DNAJC13: variants seen among roughly 807,000 people sequenced by gnomAD.
DNAJC13 encodes the protein DnaJ heat shock protein family (Hsp40) member C13.
DNAJC13 carries 75 observed loss-of-function variants against 290.5 expected under a neutral mutation model. The ratio of observed to expected loss-of-function variants is 0.26; its 90% CI spans 0.21 to 0.31. The LOEUF is 0.31. DNAJC13 is among the 10% of genes least tolerant of loss of function. The pLI is 1.00. For synonymous variants in DNAJC13, 862 were observed against 892.0 expected, an observed-to-expected ratio of 0.97 and a Z score of 0.60; for missense variants, 2,260 against 2,674.5, an observed-to-expected ratio of 0.85 and a Z score of 3.42.
At chr3:132,483,269 A>T in intron 27 of DNAJC13, 106 bp from the exon 28 acceptor site, 1 of 1,041,256 alleles carries the variant, frequency 9.6e-7, no homozygotes, top group East Asian at 2.6e-5. Context: ...TAGTGTACTT[A>T]CATGTTTGTT....
intron 36 of DNAJC13, 36 bp downstream of exon 36, chr3:132,496,699 C>A: frequency 6.4e-7 from 1 of 1,568,634 alleles, no homozygotes; most frequent in Non-Finnish European, 8.6e-7. Flanking sequence ...ATTTATCCTC[C>A]AGCTAACCTT....
chr3:132,461,038 G>A lies in DNAJC13; in HGVS notation c.1558-12G>A. The A allele has an allele frequency of 6.2e-7, 1 of 1,612,192 alleles. No homozygotes were observed. The highest frequency in any genetic ancestry group is 8.5e-7 in the Non-Finnish European group (1 of 1,179,350). ...TCTTAAGTCTTTAAGAGAATCTGTT[G>A]CATTGTTTCAGGATCATGGGACTGG... On this transcript the variant is annotated splice_polypyrimidine_tract_variant and intron_variant, in intron 14 of 55. Transcript: ENST00000260818.
At chr3:132,418,216 CGTTTTGTTAG>C (rs1308756661) in intron 1 of DNAJC13, among the ~76,000 whole-genome samples, 4 of 152,246 alleles carry the variant, frequency 2.6e-5, no homozygotes, top group Middle Eastern at 3.4e-3. Flanking sequence ...TGCTTTGTTT[CGTTTTGTTAG>C]GAAATGAGCA....
intron 2 of DNAJC13, 35 bp downstream of exon 2, chr3:132,434,653 T>A (rs774011664): frequency 1.3e-6 from 2 of 1,526,670 alleles, no homozygotes; most frequent in South Asian, 2.4e-5. Flanking sequence ...TTTCTGTGCT[T>A]CTATAAAATA....
At chr3:132,537,748 G>A (rs964902630) in intron 55 of DNAJC13, among the ~76,000 whole-genome samples, 3 of 152,214 alleles carry the variant, frequency 2.0e-5, no homozygotes, top group East Asian at 1.9e-4. Flanking sequence ...ATGAAAATAG[G>A]TTAGTTTGAG....
In DNAJC13 at chr3:132,538,815, G is replaced by A. The variant is rs1444076796; in HGVS notation, c.*533G>A. 1 of 152,152 alleles carries A rather than the reference G, an allele frequency of 6.6e-6. No homozygotes were observed. Among genetic ancestry groups the A allele is most frequent in the Non-Finnish European group, 1.5e-5 (1 of 68,040 alleles). 9.4% of individuals were successfully genotyped at this position (152,152 alleles called of 1,614,324 possible). A position where few individuals can be genotyped will look rare whatever the true frequency, so the allele number is the denominator to read the frequency against. ...GAAAGCTCACAGTACACATTAGTAT[G>A]TATAACTGGCTTTACCAAATTGAAT... On this transcript the variant is annotated 3_prime_UTR_variant, in exon 56 of 56. Transcript: ENST00000260818.
rs1935387449 is a variant in DNAJC13 at position 132,500,885 on chromosome 3, A to T, written c.4508A>T (p.Asp1503Val). The change falls in exon 39 of 56, where the codon GAT (aspartate) becomes GTT (valine). Residue 1503 changes from aspartate to valine, a missense_variant. Physicochemically the swap from Asp to Val is radical, Grantham distance 152. This residue lies in a region of DNAJC13 where 1,494 missense variants were observed against 1,693.7 expected (regional missense o/e 0.88). Coordinates refer to ENST00000260818, the MANE Select transcript of DNAJC13 (RefSeq NM_015268.4). ...KITEMPSIIK[D>V]LCRVLYFGKS... ...ACGGAAATGCCTAGCATCATCAAGG[A>T]TCTCTGTCGGGTACTATATTTTGGC... is the stretch of plus-strand genomic sequence containing the variant. 1 of 1,613,970 alleles carries T rather than the reference A, an allele frequency of 6.2e-7. No homozygotes were observed.
At position 132,507,276 on chromosome 3, in the gene DNAJC13, A is replaced by G; in HGVS notation, c.5038A>G (p.Ser1680Gly). 1.2e-6 allele frequency: 2 copies of G among 1,613,510 alleles called. No homozygotes were observed. The highest frequency in any genetic ancestry group is 2.2e-5 in the East Asian group (1 of 44,828). The change falls in exon 43 of 56, where the codon AGT (serine) becomes GGT (glycine). Residue 1680 changes from serine (S) to glycine (G), a missense_variant. Coordinates refer to ENST00000260818, the MANE Select transcript of DNAJC13 (RefSeq NM_015268.4). ...AACTTATGGATCAGAATTTGTCTACAGTGATCATGCCAAAGAACTTATTGT... is the reference window on the plus strand; with the variant it reads ...AACTTATGGATCAGAATTTGTCTACGGTGATCATGCCAAAGAACTTATTGT... ...DKTYGSEFVY[S>G]DHAKELIVGE...
At chr3:132,478,169 T>C (rs1934536785) in intron 24 of DNAJC13, 29 bp downstream of exon 24, 1 of 1,565,444 alleles carries the variant, frequency 6.4e-7, no homozygotes, top group African/African-American at 1.4e-5. Context: ...GAAATTACTA[T>C]TTGATAGTGT....
chr3:132,507,890 T>A lies in DNAJC13; in HGVS notation c.5115+537T>A, dbSNP rs141618734. On this transcript the variant is annotated intron_variant, in intron 43 of 55. Transcript: ENST00000260818. ...CTCACTTTAAATTAAAAGCTAGAAATGATTAACCTTGATGAGGAAGGCTTG... is the reference window on the plus strand; with the variant it reads ...CTCACTTTAAATTAAAAGCTAGAAAAGATTAACCTTGATGAGGAAGGCTTG... Among the ~76,000 whole-genome samples, 15 of 152,264 alleles carry A rather than the reference T, an allele frequency of 9.9e-5. No individual in the cohort carries two copies. In the South Asian group the frequency reaches 2.7e-3, roughly 27 times the overall value.
intron 14 of DNAJC13, 76 bp downstream of exon 14, chr3:132,460,433 A>T: frequency 4.0e-6 from 4 of 997,616 alleles, no homozygotes; most frequent in African/African-American, 1.7e-5. Context: ...TGCCACGTGG[A>T]TGATTTTTTT....
At chr3:132,517,273 A>G (rs375042177) in intron 48 of DNAJC13, among the ~76,000 whole-genome samples, 41 of 152,282 alleles carry the variant, frequency 2.7e-4, no homozygotes, top group African/African-American at 7.2e-4. Context: ...CTGGCTTCCA[A>G]CTCTGCAGGG....
chr3:132,458,291 T>C (rs988406447), intron 13 of DNAJC13: 2 of 152,206 alleles, frequency 1.3e-5, no homozygotes, highest in Non-Finnish European at 2.9e-5. Flanking sequence ...TAAAGTGTTT[T>C]AGGCAAGCTT....
At chr3:132,443,682 C>G (rs1933147759) in intron 2 of DNAJC13, among the ~76,000 whole-genome samples, 1 of 152,074 alleles carries the variant, frequency 6.6e-6, no homozygotes, top group Non-Finnish European at 1.5e-5. Context: ...AGCGGAAGTT[C>G]AACAGCCACT....
chr3:132,512,960 A>C (rs772442080), intron 44 of DNAJC13, 48 bp from the exon 45 acceptor site: 1 of 1,494,334 alleles, frequency 6.7e-7, no homozygotes, highest in South Asian at 1.1e-5. Flanking sequence ...GAAGTTAAAT[A>C]ATTTCAAACA....
chr3:132,450,678 A>T lies in DNAJC13; in HGVS notation c.368A>T (p.Asp123Val). 3 of 1,613,100 alleles carry T rather than the reference A, an allele frequency of 1.9e-6. No individual in the cohort carries two copies. Among genetic ancestry groups the T allele is most frequent in the Non-Finnish European group, 2.5e-6 (3 of 1,179,400 alleles). The change falls in exon 6 of 56, where the codon GAC (aspartate) becomes GTC (valine). Residue 123 changes from aspartate (D) to valine (V), a missense_variant. Physicochemically the swap from Asp to Val is radical, Grantham distance 152 (BLOSUM62 -3). This residue lies in a region of DNAJC13 where 762 missense variants were observed against 964.1 expected (regional missense o/e 0.79). Transcript: ENST00000260818. Reference protein sequence around the residue: ...RYNCYKHHWSDSRKPVILEVT... With the variant: ...RYNCYKHHWSVSRKPVILEVT... ...AACTGCTATAAGCATCACTGGAGTGACTCAAGAAAACCTGTAATTTTGGAA... is the reference window on the plus strand; with the variant it reads ...AACTGCTATAAGCATCACTGGAGTGTCTCAAGAAAACCTGTAATTTTGGAA...
chr3:132,453,449 A>G lies in DNAJC13; in HGVS notation c.689A>G (p.Glu230Gly). The G allele has an allele frequency of 6.2e-7, 1 of 1,613,980 alleles. No homozygotes were observed. The highest frequency in any genetic ancestry group is 8.5e-7 in the Non-Finnish European group (1 of 1,179,916). ...NLRFGKYSTD[E>G]SITSLAEFVV... is the part of the protein sequence containing the mutation. ...CGCTTTGGAAAATACAGCACTGATG[A>G]ATCCATCACATCTTTAGCAGAGTTT... The change falls in exon 7 of 56, where the codon GAA (glutamate) becomes GGA (glycine). Residue 230 changes from glutamate to glycine, a missense_variant. Glu to Gly is a moderately conservative substitution (Grantham distance 98). This residue lies in a region of DNAJC13 where 762 missense variants were observed against 964.1 expected (regional missense o/e 0.79). Coordinates refer to ENST00000260818, the MANE Select transcript of DNAJC13 (RefSeq NM_015268.4).
chr3:132,522,953 T>C lies in DNAJC13; in HGVS notation c.5799T>C (p.Asn1933=). 6.2e-7 allele frequency: 1 copy of C among 1,613,342 alleles called. No homozygotes were observed. The highest frequency in any genetic ancestry group is 8.5e-7 in the Non-Finnish European group (1 of 1,179,750). Residue 1933 remains asparagine (N), a synonymous_variant, in exon 49 of 56, where the codon AAT becomes AAC. Transcript: ENST00000260818. ...ATCCTGAGTTAATTTGGAATGATAA[T>C]TCCAGAGATAAAGTGTCCACAACAG... The part of the protein sequence containing the change: ...HENPELIWND[N]SRDKVSTTVR...
chr3:132,506,031 T>C (rs969721037), intron 42 of DNAJC13, among the ~76,000 whole-genome samples: 1 of 146,048 alleles, frequency 6.8e-6, no homozygotes, highest in African/African-American at 2.5e-5. Context: ...GGGTCTTACA[T>C]GTCTGTACAT....
Sources: allele counts gnomAD v4.1 joint callset (sites outside exome capture counted in the v4.1 genomes callset), GRCh38; gene constraint gnomAD v4.1.1; regional missense constraint gnomAD v4.1.1; transcripts MANE v1.5; gene names NCBI Gene and HGNC (gene_info 2026-07-23, HGNC 2026-07-21).